The following DLG2 variants were observed in gnomAD, a reference collection of about 807,000 sequenced individuals.
DLG2 encodes the protein disks large homolog 2.
A neutral mutation model predicts 132.5 loss-of-function variants in DLG2; 45 were observed. The ratio of observed to expected loss-of-function variants is 0.34; its 90% CI spans 0.27 to 0.44. The LOEUF is 0.44. Among genes scored for constraint, DLG2 ranks in the 20% least tolerant of loss-of-function variants. The pLI is 1.00. For missense variants in DLG2, 1,045 were observed against 1,196.9 expected, an observed-to-expected ratio of 0.87 and a Z score of 1.87; for synonymous variants, 424 against 419.6, an observed-to-expected ratio of 1.01 and a Z score of -0.13.
intron 11 of DLG2, among the ~76,000 whole-genome samples, chr11:84,048,441 C>T (rs1022809478): frequency 1.3e-5 from 2 of 151,590 alleles, no homozygotes; most frequent in African/African-American, 4.8e-5. Context: ...GTTAAATTTG[C>T]TATTCGTGCT....
intron 6 of DLG2, among the ~76,000 whole-genome samples, chr11:84,746,461 A>C (rs930824102): frequency 2.6e-5 from 4 of 151,328 alleles, no homozygotes; most frequent in African/African-American, 9.7e-5. Context: ...AAAAAAGGAC[A>C]GGATTTTAAT....
chr11:84,431,373 T>C (rs1248154533), intron 7 of DLG2, among the ~76,000 whole-genome samples: 1 of 152,188 alleles, frequency 6.6e-6, no homozygotes, highest in Non-Finnish European at 1.5e-5. Flanking sequence ...TCACTGGGTC[T>C]TTATATTCAC....
intron 7 of DLG2, among the ~76,000 whole-genome samples, chr11:84,433,749 C>A (rs1289075534): frequency 6.6e-6 from 1 of 152,060 alleles, no homozygotes; most frequent in Admixed American, 6.5e-5. Flanking sequence ...TTTTTGGATT[C>A]TATAGGAATA....
At chr11:84,301,409 G>A (rs2098150550) in intron 7 of DLG2, among the ~76,000 whole-genome samples, 1 of 152,072 alleles carries the variant, frequency 6.6e-6, no homozygotes, top group Admixed American at 6.5e-5. Context: ...TGTAATCCCA[G>A]CACTTTGGGA....
chr11:85,485,257 A>G (rs1299734979), intron 3 of DLG2, among the ~76,000 whole-genome samples: 45 of 145,130 alleles, frequency 3.1e-4, no homozygotes, highest in South Asian at 4.4e-4. Flanking sequence ...ATGCTAGATG[A>G]CGAGTTAGTG....
chr11:83,815,913 A>T (rs562486219), intron 17 of DLG2, among the ~76,000 whole-genome samples: 2 of 152,294 alleles, frequency 1.3e-5, no homozygotes, highest in East Asian at 3.9e-4. Flanking sequence ...TAAGAGGCCA[A>T]CCCAGATCTC....
intron 10 of DLG2, among the ~76,000 whole-genome samples, chr11:84,087,245 T>C (rs1051194836): frequency 6.6e-6 from 1 of 152,212 alleles, no homozygotes; most frequent in Non-Finnish European, 1.5e-5. Context: ...TTTTCTAAAG[T>C]AGCTGCACCA....
chr11:85,194,890 T>G (rs2152538905), intron 4 of DLG2, among the ~76,000 whole-genome samples: 1 of 152,344 alleles, frequency 6.6e-6, no homozygotes, highest in African/African-American at 2.4e-5. Context: ...ATGTGCCATG[T>G]TCTGTGTAAG....
intron 6 of DLG2, among the ~76,000 whole-genome samples, chr11:85,058,257 C>T (rs527598879): frequency 2.6e-5 from 4 of 151,184 alleles, no homozygotes; most frequent in Non-Finnish European, 4.4e-5. Context: ...AATATATCAC[C>T]AACAATTGAA....
chr11:85,535,770 T>C (rs1341107042), intron 3 of DLG2, among the ~76,000 whole-genome samples: 2 of 152,128 alleles, frequency 1.3e-5, no homozygotes, highest in Non-Finnish European at 1.5e-5. Flanking sequence ...ATAAATAAAA[T>C]ATGATATATT....
At chr11:83,737,378 A>C (rs1033542700) in intron 18 of DLG2, among the ~76,000 whole-genome samples, 1 of 152,066 alleles carries the variant, frequency 6.6e-6, no homozygotes, top group Non-Finnish European at 1.5e-5. Flanking sequence ...AAAAAAGATA[A>C]AGTATGTTGA....
intron 3 of DLG2, among the ~76,000 whole-genome samples, chr11:85,583,057 AAT>A (rs71995683): frequency 5.7e-4 from 58 of 101,594 alleles, no homozygotes; most frequent in South Asian, 2.7e-3. Flanking sequence ...GGAAAAAAAA[AAT>A]ATATATATAT....
intron 4 of DLG2, among the ~76,000 whole-genome samples, chr11:85,162,016 T>A (rs2078069560): frequency 1.3e-5 from 2 of 152,036 alleles, no homozygotes; most frequent in African/African-American, 4.8e-5. Context: ...GGCCTAGAGG[T>A]CTTAGTTGAA....
intron 3 of DLG2, among the ~76,000 whole-genome samples, chr11:85,511,703 C>A (rs1410660866): frequency 6.7e-6 from 1 of 148,492 alleles, no homozygotes; most frequent in Non-Finnish European, 1.5e-5. Context: ...TTTTCCAACA[C>A]ACTGTAAATG....
At chr11:84,898,329 C>G (rs1262639139) in intron 6 of DLG2, among the ~76,000 whole-genome samples, 2 of 151,828 alleles carry the variant, frequency 1.3e-5, no homozygotes, top group South Asian at 4.1e-4. Flanking sequence ...TTTCCTTGTT[C>G]TAAAATATCA....
At chr11:83,699,584 C>A (rs958125197) in intron 18 of DLG2, among the ~76,000 whole-genome samples, 42 of 149,386 alleles carry the variant, frequency 2.8e-4, no homozygotes, top group Non-Finnish European at 5.6e-4. Context: ...GTGGTGGGTG[C>A]CTGCAGTCCC....
At chr11:84,020,055 G>A (rs1231985825) in intron 11 of DLG2, among the ~76,000 whole-genome samples, 1 of 152,066 alleles carries the variant, frequency 6.6e-6, no homozygotes, top group Non-Finnish European at 1.5e-5. Flanking sequence ...GGATGGCTAA[G>A]GAACTTCAGG....
chr11:85,415,826 C>G (rs1306507641), intron 3 of DLG2, among the ~76,000 whole-genome samples: 4 of 152,002 alleles, frequency 2.6e-5, no homozygotes, highest in Non-Finnish European at 5.9e-5. Flanking sequence ...ATGATAGTAT[C>G]TATCATCAGA....
intron 15 of DLG2, among the ~76,000 whole-genome samples, chr11:83,909,664 G>A (rs549387378): frequency 2.0e-5 from 3 of 152,264 alleles, no homozygotes; most frequent in South Asian, 2.1e-4. Flanking sequence ...ATGATGAAAC[G>A]AAATGGGGAG....
Sources: allele counts gnomAD v4.1 joint callset (sites outside exome capture counted in the v4.1 genomes callset), GRCh38; gene constraint gnomAD v4.1.1; transcripts MANE v1.5; gene names NCBI Gene and HGNC (gene_info 2026-07-23, HGNC 2026-07-21).